CYTH3: variants seen among roughly 807,000 people sequenced by gnomAD.
CYTH3 encodes the protein cytohesin-3.
Under a neutral mutation model 55.1 loss-of-function variants are expected in CYTH3, and 23 were observed. The observed-to-expected ratio is 0.42, with a 90% confidence interval of 0.30 to 0.59. The LOEUF (loss-of-function observed/expected upper bound fraction) is 0.59. CYTH3 is among the 20% of genes least tolerant of loss of function. The pLI is 0.20. For synonymous variants in CYTH3, 249 were observed against 194.9 expected, an observed-to-expected ratio of 1.28 and a Z score of -2.31; for missense variants, 413 against 524.8, an observed-to-expected ratio of 0.79 and a Z score of 2.08.
chr7:6,175,047 TATG>T (rs1783308366), intron 5 of CYTH3, among the ~76,000 whole-genome samples: 1 of 152,240 alleles, frequency 6.6e-6, no homozygotes, highest in African/African-American at 2.4e-5. Flanking sequence ...ACTGAATCAG[TATG>T]ATAACTGGTC....
At chr7:6,259,367 TCTC>T (rs761263580) in intron 1 of CYTH3, among the ~76,000 whole-genome samples, 1 of 152,148 alleles carries the variant, frequency 6.6e-6, no homozygotes, top group Non-Finnish European at 1.5e-5. Flanking sequence ...ACTTTTATTC[TCTC>T]CTATTTGAAC....
chr7:6,187,445 A>G (rs1360146280), intron 3 of CYTH3, among the ~76,000 whole-genome samples: 1 of 152,218 alleles, frequency 6.6e-6, no homozygotes, highest in African/African-American at 2.4e-5. Flanking sequence ...ATAAAGGCAG[A>G]TGATGACTTA....
At chr7:6,211,568 T>C (rs760172427) in intron 1 of CYTH3, among the ~76,000 whole-genome samples, 5 of 152,218 alleles carry the variant, frequency 3.3e-5, no homozygotes, top group Non-Finnish European at 7.3e-5. Flanking sequence ...AGAAGGATCA[T>C]CTGAGCTCAG....
intron 1 of CYTH3, among the ~76,000 whole-genome samples, chr7:6,256,256 T>C (rs1337293837): frequency 6.6e-6 from 1 of 152,188 alleles, no homozygotes; most frequent in Non-Finnish European, 1.5e-5. Flanking sequence ...TGCCGGGATA[T>C]TCTCTCCAAA....
intron 1 of CYTH3, 81 bp from the exon 2 acceptor site, chr7:6,190,612 C>T: frequency 9.2e-7 from 1 of 1,084,734 alleles, no homozygotes; most frequent in Non-Finnish European, 1.3e-6. Context: ...TACATGCTGC[C>T]ACCCAGCAAT....
At chr7:6,226,476 G>A (rs1483904610) in intron 1 of CYTH3, among the ~76,000 whole-genome samples, 1 of 152,202 alleles carries the variant, frequency 6.6e-6, no homozygotes, top group Non-Finnish European at 1.5e-5. Flanking sequence ...AGGCAGGCAA[G>A]CTGGAGTAGA....
At chr7:6,252,380 G>C (rs893276869) in intron 1 of CYTH3, among the ~76,000 whole-genome samples, 2 of 152,070 alleles carry the variant, frequency 1.3e-5, no homozygotes, top group African/African-American at 4.8e-5. Context: ...ATACTCTCTG[G>C]TTACGTGGCG....
chr7:6,238,281 A>G (rs554400883), intron 1 of CYTH3, among the ~76,000 whole-genome samples: 293 of 152,344 alleles, frequency 1.9e-3, no homozygotes, highest in African/African-American at 6.7e-3. Flanking sequence ...TTTATAATCA[A>G]AAGAAACAAC....
chr7:6,193,192 G>A (rs1183070034), intron 1 of CYTH3, among the ~76,000 whole-genome samples: 3 of 151,664 alleles, frequency 2.0e-5, no homozygotes, highest in African/African-American at 7.3e-5. Context: ...AGGAAATTGG[G>A]CAAATGACTT....
chr7:6,215,357 G>A (rs147048108), intron 1 of CYTH3, among the ~76,000 whole-genome samples: 1,895 of 152,256 alleles, frequency 0.012, 36 homozygotes, highest in African/African-American at 0.042. Flanking sequence ...TTGGGATGCC[G>A]AGGCGGGCGG....
In CYTH3 at chr7:6,170,897, G is replaced by C. The variant is rs1783168164; in HGVS notation, c.644C>G (p.Ala215Gly). Residue 215 changes from alanine to glycine, a missense_variant, in exon 8 of 13, where the codon GCA becomes GGA. Physicochemically the swap from Ala to Gly is moderately conservative, Grantham distance 60. Around this residue, in one of 4 missense-constraint regions of CYTH3, gnomAD observed 156 missense variants for 233.1 expected, o/e 0.67. Coordinates refer to ENST00000350796, the MANE Select transcript of CYTH3 (RefSeq NM_004227.4). This position sits in a 1 kb window ranked among gnomAD's most constrained non-coding sequence, Gnocchi z 7.8. Reference sequence around the variant, plus strand: ...GCGGTTCATGGCGATGAACCGTTCTGCCGTGGGCTTGTCACGCACGTTGTG... The same window carrying C: ...GCGGTTCATGGCGATGAACCGTTCTCCCGTGGGCTTGTCACGCACGTTGTG... ...HNHNVRDKPT[A>G]ERFIAMNRGI... is the part of the protein sequence containing the mutation. 6.2e-7 allele frequency: 1 copy of C among 1,613,946 alleles called. No individual in the cohort carries two copies. The highest frequency in any genetic ancestry group is 2.2e-5 in the East Asian group (1 of 44,858).
intron 2 of CYTH3, 149 bp downstream of exon 2, chr7:6,190,300 A>G (rs926843097): frequency 5.6e-6 from 4 of 718,578 alleles, no homozygotes; most frequent in African/African-American, 1.9e-5. Flanking sequence ...TAGTTCTTAT[A>G]TGCACACACT....
chr7:6,201,799 G>C (rs1784064024), intron 1 of CYTH3, among the ~76,000 whole-genome samples: 1 of 151,932 alleles, frequency 6.6e-6, no homozygotes, highest in African/African-American at 2.4e-5. Context: ...AAGTTAAGAA[G>C]GCATACTAAA....
rs149017502 is a variant in CYTH3 at position 6,182,875 on chromosome 7, T to C, written c.249+4175A>G. ...TTCTGTTTGTTGGGTTTCATGTCTC[T>C]TTCATGGTGCTGGTTTCCTCAAACG... is the stretch of plus-strand genomic sequence containing the variant. On this transcript the variant is annotated intron_variant, in intron 4 of 12. Coordinates refer to ENST00000350796, the MANE Select transcript of CYTH3 (RefSeq NM_004227.4). 4.6e-5 allele frequency among the ~76,000 whole-genome samples: 7 copies of C among 152,352 alleles called. No homozygotes were observed. The East Asian group carries it at 1.4e-3, about 29-fold the overall frequency.
chr7:6,235,851 C>T (rs1779509577), intron 1 of CYTH3, among the ~76,000 whole-genome samples: 1 of 152,074 alleles, frequency 6.6e-6, no homozygotes, highest in African/African-American at 2.4e-5. Flanking sequence ...GAAAAGTCTC[C>T]CGCTATAAAA....
intron 1 of CYTH3, among the ~76,000 whole-genome samples, chr7:6,197,528 C>G (rs992888883): frequency 3.3e-5 from 5 of 152,042 alleles, no homozygotes; most frequent in Admixed American, 6.6e-5. Flanking sequence ...ACTAAAAATA[C>G]AAAAATTAGC....
At position 6,163,195 on chromosome 7, in the gene CYTH3, C is replaced by G. The variant is rs1037422116; in HGVS notation, c.*1749G>C. Reference sequence around the variant, plus strand: ...CTTAAAGCTACATCAAGGTCAGCCGCAGGGAGGCGAAGGGCCCGCAGCCGC... The same window carrying G: ...CTTAAAGCTACATCAAGGTCAGCCGGAGGGAGGCGAAGGGCCCGCAGCCGC... On this transcript the variant is annotated 3_prime_UTR_variant, in exon 13 of 13. Transcript: ENST00000350796. 2.6e-5 allele frequency: 4 copies of G among 152,510 alleles called. No individual in the cohort carries two copies. The highest frequency in any genetic ancestry group is 2.0e-4 in the Admixed American group (3 of 15,288). 9.4% of individuals were successfully genotyped at this position (152,510 alleles called of 1,614,324 possible).
rs1345006036 is a variant in CYTH3, at chr7:6,170,341, G to A, written c.823+194C>T. On this transcript the variant is annotated intron_variant, in intron 9 of 12. Coordinates refer to ENST00000350796, the MANE Select transcript of CYTH3 (RefSeq NM_004227.4). This position sits in a 1 kb window ranked among gnomAD's most constrained non-coding sequence, Gnocchi z 7.8. Reference sequence around the variant, plus strand: ...GGCGCTACTCTCTGCCGCGGGCATGGCTCTGAGGCCCCGGCTCGGAGAAGC... The same window carrying A: ...GGCGCTACTCTCTGCCGCGGGCATGACTCTGAGGCCCCGGCTCGGAGAAGC... 19 of 593,940 alleles carry A rather than the reference G, an allele frequency of 3.2e-5. No homozygotes were observed. The East Asian group carries it at 5.2e-4, about 16-fold the overall frequency. 36.8% of individuals were successfully genotyped at this position (593,940 alleles called of 1,614,324 possible).
intron 1 of CYTH3, among the ~76,000 whole-genome samples, chr7:6,206,189 G>A (rs1379403878): frequency 6.6e-6 from 1 of 152,052 alleles, no homozygotes; most frequent in Non-Finnish European, 1.5e-5. Flanking sequence ...TTCACAAATA[G>A]CCCAAACAAC....
Sources: allele counts gnomAD v4.1 joint callset (sites outside exome capture counted in the v4.1 genomes callset), GRCh38; gene constraint gnomAD v4.1.1; regional missense constraint gnomAD v4.1.1; non-coding constraint Gnocchi (gnomAD v3.1); transcripts MANE v1.5; gene names NCBI Gene and HGNC (gene_info 2026-07-23, HGNC 2026-07-21).